The following GRM5 variants were observed in gnomAD, a reference collection of about 807,000 sequenced individuals.
GRM5 encodes the protein glutamate metabotropic receptor 5.
GRM5 carries 19 observed loss-of-function variants against 83.1 expected under a neutral mutation model. The ratio of observed to expected loss-of-function variants is 0.23; its 90% CI spans 0.16 to 0.34. The LOEUF (loss-of-function observed/expected upper bound fraction) is 0.34. Among genes scored for constraint, GRM5 ranks in the 10% least tolerant of loss-of-function variants. GRM5 has a pLI of 1.00. For synonymous variants in GRM5, 675 were observed against 633.6 expected (o/e 1.07, Z -0.98); for missense variants, 1,160 against 1,588.3 (o/e 0.73, Z 4.58).
chr11:88,628,126 A>G (rs1383309990), intron 4 of GRM5, among the ~76,000 whole-genome samples: 2 of 152,176 alleles, frequency 1.3e-5, no homozygotes, highest in African/African-American at 2.4e-5. Context: ...GATTCAACTC[A>G]AAGACTAGCT....
intron 2 of GRM5, among the ~76,000 whole-genome samples, chr11:89,004,298 C>T (rs138217048): frequency 3.9e-5 from 6 of 152,198 alleles, no homozygotes; most frequent in African/African-American, 1.4e-4. Context: ...AAATTGTTTG[C>T]TGTATGATTT....
intron 2 of GRM5, among the ~76,000 whole-genome samples, chr11:88,874,792 G>T (rs1216437616): frequency 1.3e-5 from 2 of 151,926 alleles, no homozygotes; most frequent in African/African-American, 4.8e-5. Flanking sequence ...AGTAAAGTGA[G>T]TCACAAAATT....
At chr11:88,843,992 A>G (rs529530624) in intron 3 of GRM5, among the ~76,000 whole-genome samples, 1 of 152,242 alleles carries the variant, frequency 6.6e-6, no homozygotes, top group African/African-American at 2.4e-5. Flanking sequence ...CTGTAACATC[A>G]AAGTGCTGGG....
intron 1 of GRM5, among the ~76,000 whole-genome samples, chr11:89,064,919 A>T (rs78406075): frequency 0.055 from 3,496 of 63,292 alleles, 90 homozygotes; most frequent in African/African-American, 0.11. Flanking sequence ...TGTGTGTGAG[A>T]GAGAGAGAGA....
intron 3 of GRM5, among the ~76,000 whole-genome samples, chr11:88,845,727 C>A (rs1395348529): frequency 3.0e-5 from 1 of 33,678 alleles, no homozygotes; most frequent in Non-Finnish European, 7.8e-5. Context: ...ACCACCGCGC[C>A]CCCCCCCACT....
chr11:88,769,754 A>G (rs1335641291), intron 3 of GRM5, among the ~76,000 whole-genome samples: 1 of 152,092 alleles, frequency 6.6e-6, no homozygotes, highest in Non-Finnish European at 1.5e-5. Context: ...TGATGTGAAT[A>G]AAAAATCGAA....
intron 3 of GRM5, among the ~76,000 whole-genome samples, chr11:88,775,402 T>A (rs1021037131): frequency 6.6e-6 from 1 of 152,182 alleles, no homozygotes; most frequent in Non-Finnish European, 1.5e-5. Flanking sequence ...CCTGCATTCA[T>A]TGATTTTTTG....
intron 3 of GRM5, among the ~76,000 whole-genome samples, chr11:88,821,060 G>C (rs370151477): frequency 1.3e-4 from 20 of 152,244 alleles, no homozygotes; most frequent in African/African-American, 4.1e-4. Context: ...AAGCCAGGAA[G>C]TTTTTAAGCC....
At chr11:88,932,699 T>G (rs903026393) in intron 2 of GRM5, among the ~76,000 whole-genome samples, 1 of 150,162 alleles carries the variant, frequency 6.7e-6, no homozygotes, top group Non-Finnish European at 1.5e-5. Context: ...TTAAAAATCA[T>G]TTTTTATGAA....
At chr11:88,560,466 T>C (rs1942729220) in intron 8 of GRM5, among the ~76,000 whole-genome samples, 1 of 152,184 alleles carries the variant, frequency 6.6e-6, no homozygotes, top group Non-Finnish European at 1.5e-5. Flanking sequence ...CCCTAGGATC[T>C]GGAACAGTTA....
At chr11:88,739,440 T>C (rs1027739761) in intron 3 of GRM5, among the ~76,000 whole-genome samples, 1 of 152,138 alleles carries the variant, frequency 6.6e-6, no homozygotes, top group Non-Finnish European at 1.5e-5. Flanking sequence ...TGTATCATCT[T>C]ACATTTATTT....
At chr11:88,683,062 TC>T (rs1940534231) in intron 3 of GRM5, among the ~76,000 whole-genome samples, 1 of 152,168 alleles carries the variant, frequency 6.6e-6, no homozygotes, top group South Asian at 2.1e-4. Flanking sequence ...GATACTTCCC[TC>T]CCAGCTTATA....
intron 9 of GRM5, chr11:88,522,863 A>G (rs1333569660): frequency 6.6e-6 from 1 of 152,196 alleles, no homozygotes; most frequent in Admixed American, 6.5e-5. Context: ...TGAGGAAACA[A>G]AAATTAAATG....
chr11:88,570,488 T>C (rs1037569068), intron 7 of GRM5, among the ~76,000 whole-genome samples: 1 of 148,164 alleles, frequency 6.7e-6, no homozygotes, highest in Non-Finnish European at 1.5e-5. Flanking sequence ...TGCCATAGAG[T>C]TTAGGCTTAT....
intron 8 of GRM5, among the ~76,000 whole-genome samples, chr11:88,554,351 C>G (rs892096313): frequency 8.5e-5 from 13 of 152,110 alleles, no homozygotes; most frequent in African/African-American, 3.1e-4. Flanking sequence ...ATCATCTTTC[C>G]TTAACATAAT....
chr11:88,587,455 A>G (rs1181491409), intron 7 of GRM5, among the ~76,000 whole-genome samples: 1 of 152,092 alleles, frequency 6.6e-6, no homozygotes, highest in African/African-American at 2.4e-5. Flanking sequence ...AACTAGAAAG[A>G]TCATAGGAGG....
chr11:88,975,032 T>C (rs1939289154), intron 2 of GRM5, among the ~76,000 whole-genome samples: 1 of 152,224 alleles, frequency 6.6e-6, no homozygotes, highest in South Asian at 2.1e-4. Context: ...AGGAGTCTGA[T>C]GTGTCAATGG....
intron 2 of GRM5, among the ~76,000 whole-genome samples, chr11:88,952,139 CACA>C (rs1938485571): frequency 6.6e-6 from 1 of 152,104 alleles, no homozygotes; most frequent in Non-Finnish European, 1.5e-5. Flanking sequence ...CACACACACA[CACA>C]CACATTGCTA....
Position 88,750,152 on chromosome 11 carries a change from G to A in GRM5, c.912-96749C>T, listed in dbSNP as rs996877359. Among the ~76,000 whole-genome samples, 4 of 152,200 alleles carry A rather than the reference G, an allele frequency of 2.6e-5. No homozygotes were observed. In the East Asian group the frequency reaches 5.8e-4, roughly 22 times the overall value. On this transcript the variant is annotated intron_variant, in intron 3 of 9. Coordinates refer to ENST00000305447, the MANE Select transcript of GRM5 (RefSeq NM_001143831.3). ...AAAGACACAGAATGAAAAGCTGGAC[G>A]AAGAGCCAAGACCCATTGTAATGCT...
Sources: allele counts gnomAD v4.1 joint callset (sites outside exome capture counted in the v4.1 genomes callset), GRCh38; gene constraint gnomAD v4.1.1; transcripts MANE v1.5; gene names NCBI Gene and HGNC (gene_info 2026-07-23, HGNC 2026-07-21).